Variants in LRFN2 observed in about 807,000 individuals in gnomAD.
LRFN2 encodes the protein leucine rich repeat and fibronectin type III domain containing 2.
Under a neutral mutation model 37.3 loss-of-function variants are expected in LRFN2, and 18 were observed. That is an observed-to-expected ratio of 0.48 (90% CI 0.33 to 0.72). LRFN2 has a LOEUF of 0.72. Ranked by LOEUF, LRFN2 falls within the 30% of genes least tolerant of loss-of-function variation. The pLI is 0.02. For missense variants in LRFN2, 1,006 were observed against 1,060.7 expected (o/e 0.95, Z 0.72); for synonymous variants, 556 against 466.6 (o/e 1.19, Z -2.47).
At chr6:40,452,355 G>A (rs1054043866) in intron 1 of LRFN2, among the ~76,000 whole-genome samples, 8 of 152,276 alleles carry the variant, frequency 5.3e-5, no homozygotes, top group Middle Eastern at 3.4e-3. Flanking sequence ...GACTGCTCCC[G>A]TGATATTGCT....
Position 40,432,246 on chromosome 6 carries a change from G to C in LRFN2, c.868C>G (p.Leu290Val). 1 of 1,614,020 alleles carries C rather than the reference G, an allele frequency of 6.2e-7. No homozygotes were observed. Among genetic ancestry groups the C allele is most frequent in the Non-Finnish European group, 8.5e-7 (1 of 1,180,018 alleles). Residue 290 changes from leucine to valine, a missense_variant, in exon 2 of 3, where the codon CTC becomes GTC. Physicochemically the swap from Leu to Val is conservative, Grantham distance 32. Transcript: ENST00000338305. ...AACTTGTGTGTGTGCTGGGTGATGA[G>C]AGGCGGCTCGCACACAAACTCCTCC... ...REEEFVCEPP[L>V]ITQHTHKLLV...
At chr6:40,520,491 C>T (rs778442476) in intron 1 of LRFN2, among the ~76,000 whole-genome samples, 2 of 152,180 alleles carry the variant, frequency 1.3e-5, no homozygotes, top group African/African-American at 4.8e-5. Flanking sequence ...AAGCCCCCTC[C>T]CTTGCAGACT....
chr6:40,447,580 C>G (rs1021137265), intron 1 of LRFN2, among the ~76,000 whole-genome samples: 1 of 152,212 alleles, frequency 6.6e-6, no homozygotes, highest in Non-Finnish European at 1.5e-5. Flanking sequence ...ATAATTCTCA[C>G]TCTTCATTAC....
chr6:40,414,694 A>G (rs910915449), intron 2 of LRFN2, among the ~76,000 whole-genome samples: 1 of 152,246 alleles, frequency 6.6e-6, no homozygotes, highest in Non-Finnish European at 1.5e-5. Flanking sequence ...TTAATGTTTT[A>G]TTGAAGATTG....
At chr6:40,404,896 T>C (rs1323342441) in intron 2 of LRFN2, among the ~76,000 whole-genome samples, 1 of 152,210 alleles carries the variant, frequency 6.6e-6, no homozygotes, top group Non-Finnish European at 1.5e-5. Flanking sequence ...GGGTTCAGCG[T>C]GCCCTCTCTG....
At chr6:40,517,038 C>T (rs1474725291) in intron 1 of LRFN2, among the ~76,000 whole-genome samples, 1 of 152,084 alleles carries the variant, frequency 6.6e-6, no homozygotes, top group Non-Finnish European at 1.5e-5. Context: ...GCTTACTTTC[C>T]CATTCTAGAA....
chr6:40,432,442 C>T lies in LRFN2; in HGVS notation c.672G>A (p.Ser224=), dbSNP rs149336539. The change falls in exon 2 of 3, where the codon TCG becomes TCA. Residue 224 remains serine (S), a synonymous_variant. Transcript: ENST00000338305. The part of the protein sequence containing the change: ...PDPIFARSQA[S]ALTATPFAPP... ...GGGCAAAGGGTGTGGCTGTCAAAGC[C>T]GAAGCCTGGGAGCGGGCAAAGATGG... 1.0e-4 allele frequency: 161 copies of T among 1,614,152 alleles called. No individual in the cohort carries two copies. In the African/African-American group the frequency reaches 1.9e-3, roughly 19 times the overall value.
chr6:40,497,611 T>A (rs1218926784), intron 1 of LRFN2, among the ~76,000 whole-genome samples: 1 of 152,186 alleles, frequency 6.6e-6, no homozygotes, highest in Non-Finnish European at 1.5e-5. Context: ...CAGAAAAGAA[T>A]GTACTTACAA....
rs574007865 is a variant in LRFN2, at chr6:40,466,282, G to A, written c.-18-33151C>T. On this transcript the variant is annotated intron_variant, in intron 1 of 2. Coordinates refer to ENST00000338305, the MANE Select transcript of LRFN2 (RefSeq NM_020737.3). ...GCAAGGATAAAGGGAGGGAAAAGCA[G>A]GAGAACCTATAAATGCGTTAAGCAA... Among the ~76,000 whole-genome samples the A allele has an allele frequency of 5.9e-5, 9 of 152,318 alleles. No individual in the cohort carries two copies. In the South Asian group the frequency reaches 1.7e-3, roughly 28 times the overall value.
chr6:40,391,965 C>G lies in LRFN2; in HGVS notation c.2348G>C (p.Trp783Ser). The G allele has an allele frequency of 3.8e-6, 6 of 1,588,628 alleles. No homozygotes were observed. The highest frequency in any genetic ancestry group is 5.1e-6 in the Non-Finnish European group (6 of 1,166,344). The change falls in exon 3 of 3, where the codon TGG becomes TCG. Residue 783 changes from tryptophan (W) to serine (S), a missense_variant. Physicochemically the swap from Trp to Ser is radical, Grantham distance 177. Transcript: ENST00000338305. ...GARGTFGSSE[W>S]VMESTV is the part of the protein sequence containing the mutation. ...CACCTAGACCGTGCTCTCCATCACC[C>G]ATTCGGAGCTGCCAAAAGTCCCCCG...
chr6:40,530,050 C>A (rs1766318655), intron 1 of LRFN2, among the ~76,000 whole-genome samples: 1 of 152,300 alleles, frequency 6.6e-6, no homozygotes, highest in Non-Finnish European at 1.5e-5. Flanking sequence ...GTAACACTCA[C>A]ACTTTAAGCA....
intron 1 of LRFN2, among the ~76,000 whole-genome samples, chr6:40,553,903 C>T (rs454230): frequency 0.12 from 18,514 of 152,128 alleles, 1,346 homozygotes; most frequent in Non-Finnish European, 0.16. Flanking sequence ...CTCTGCAGAT[C>T]ACACTTTGGA....
intron 1 of LRFN2, among the ~76,000 whole-genome samples, chr6:40,463,354 G>A (rs1034198280): frequency 2.0e-5 from 3 of 152,158 alleles, no homozygotes; most frequent in African/African-American, 7.2e-5. Flanking sequence ...CTGGACTGCT[G>A]CAATAGCTCC....
At chr6:40,531,513 T>C (rs887671948) in intron 1 of LRFN2, among the ~76,000 whole-genome samples, 1 of 152,162 alleles carries the variant, frequency 6.6e-6, no homozygotes, top group Non-Finnish European at 1.5e-5. Flanking sequence ...TTCTACCCAA[T>C]GGTCTTCTGA....
rs66745321 is a variant in LRFN2, at chr6:40,463,670, ATTT to A, written c.-18-30542_-18-30540del. Among the ~76,000 whole-genome samples, 650 of 76,522 alleles carry A rather than the reference ATTT, an allele frequency of 8.5e-3. 5 individuals are homozygous for A. The highest frequency in any genetic ancestry group is 0.031 in the African/African-American group (607 of 19,748). 50.2% of individuals were successfully genotyped at this position (76,522 alleles called of 152,430 possible). ...TACATCATACTATTTCTTTCTTTCTATTTTTTTTTTTTTTTTTTTTTTTTGAGG... is the reference window on the plus strand; with the variant it reads ...TACATCATACTATTTCTTTCTTTCTATTTTTTTTTTTTTTTTTTTTTGAGG... On this transcript the variant is annotated intron_variant, in intron 1 of 2. Coordinates refer to ENST00000338305, the MANE Select transcript of LRFN2 (RefSeq NM_020737.3).
At chr6:40,435,942 C>T (rs749880904) in intron 1 of LRFN2, among the ~76,000 whole-genome samples, 1 of 152,106 alleles carries the variant, frequency 6.6e-6, no homozygotes, top group Admixed American at 6.5e-5. Flanking sequence ...GGGCCAGAGG[C>T]TTGCCCTGTA....
At chr6:40,435,080 G>GAGAC (rs1358907899) in intron 1 of LRFN2, among the ~76,000 whole-genome samples, 2 of 137,170 alleles carry the variant, frequency 1.5e-5, no homozygotes, top group Non-Finnish European at 3.1e-5. Context: ...GAGAGAGAGA[G>GAGAC]AGAGAGAGAG....
At chr6:40,536,410 T>G (rs1007429295) in intron 1 of LRFN2, among the ~76,000 whole-genome samples, 9 of 152,112 alleles carry the variant, frequency 5.9e-5, no homozygotes, top group African/African-American at 2.2e-4. Context: ...ACCCAGAACA[T>G]GTATTACACA....
intron 1 of LRFN2, among the ~76,000 whole-genome samples, chr6:40,504,139 C>A (rs1016485726): frequency 6.6e-6 from 1 of 152,142 alleles, no homozygotes; most frequent in Non-Finnish European, 1.5e-5. Context: ...GAGACCCGCC[C>A]AGAACCATTC....
Sources: gnomAD v4.1 joint callset for allele counts (sites outside exome capture counted in the v4.1 genomes callset) on GRCh38, gnomAD v4.1.1 for gene constraint, MANE v1.5 for transcripts, NCBI Gene and HGNC (gene_info 2026-07-23, HGNC 2026-07-21) for gene names.